Variants in CHSY3 observed in about 807,000 individuals in gnomAD.
The protein encoded by CHSY3 is N-acetylgalactosaminyl-proteoglycan 3-beta-glucuronosyltransferase 3.
A neutral mutation model predicts 67.2 loss-of-function variants in CHSY3; 35 were observed. The observed-to-expected ratio is 0.52, with a 90% confidence interval of 0.40 to 0.69. The LOEUF (loss-of-function observed/expected upper bound fraction) is 0.69, where lower values mean the gene tolerates loss of function less well. Ranked by LOEUF, CHSY3 falls within the 30% of genes least tolerant of loss-of-function variation. CHSY3 has a pLI of 0.00. For missense variants in CHSY3, 1,069 were observed against 1,138.5 expected (o/e 0.94, Z 0.88); for synonymous variants, 474 against 434.7 (o/e 1.09, Z -1.12).
intron 2 of CHSY3, among the ~76,000 whole-genome samples, chr5:130,091,143 C>CGT (rs1230080393): frequency 8.5e-6 from 1 of 117,410 alleles, no homozygotes; most frequent in African/African-American, 3.5e-5. Context: ...CACGCACACG[C>CGT]GCGCACACAC....
At chr5:129,932,749 G>A (rs934790652) in intron 2 of CHSY3, among the ~76,000 whole-genome samples, 1 of 151,934 alleles carries the variant, frequency 6.6e-6, no homozygotes, top group Non-Finnish European at 1.5e-5. Context: ...ATTTTAAAAA[G>A]AGAAAGTCTT....
chr5:129,914,561 C>A (rs1250691277), intron 2 of CHSY3, among the ~76,000 whole-genome samples: 1 of 152,192 alleles, frequency 6.6e-6, no homozygotes, highest in Non-Finnish European at 1.5e-5. Context: ...GATTCAGTCA[C>A]AATTTAGTTT....
chr5:130,178,219 ATT>A (rs1286202161), intron 2 of CHSY3, among the ~76,000 whole-genome samples: 11 of 83,660 alleles, frequency 1.3e-4, no homozygotes, highest in African/African-American at 5.3e-4. Context: ...ATATGTATAT[ATT>A]TATATTTATA....
chr5:130,140,109 G>C (rs555922142), intron 2 of CHSY3: 19 of 218,334 alleles, frequency 8.7e-5, no homozygotes, highest in Non-Finnish European at 1.7e-4. Context: ...TGAACAAGTA[G>C]AGATAATTGC....
intron 2 of CHSY3, among the ~76,000 whole-genome samples, chr5:129,936,932 A>C (rs369216206): frequency 6.6e-6 from 1 of 151,972 alleles, no homozygotes; most frequent in Non-Finnish European, 1.5e-5. Flanking sequence ...TGCTCCATTT[A>C]TATAGACTTT....
At chr5:130,003,599 CAA>C (rs1331831856) in intron 2 of CHSY3, among the ~76,000 whole-genome samples, 1 of 151,772 alleles carries the variant, frequency 6.6e-6, no homozygotes, top group Non-Finnish European at 1.5e-5. Flanking sequence ...GAAGGCAAGA[CAA>C]AGAGGGGTTA....
chr5:129,962,541 A>G (rs553392125), intron 2 of CHSY3, among the ~76,000 whole-genome samples: 1 of 151,962 alleles, frequency 6.6e-6, no homozygotes, highest in African/African-American at 2.4e-5. Flanking sequence ...GCTTAAAACT[A>G]TTTAGTTGTT....
chr5:130,059,441 T>TC (rs1765639111), intron 2 of CHSY3, among the ~76,000 whole-genome samples: 1 of 148,802 alleles, frequency 6.7e-6, no homozygotes, highest in Non-Finnish European at 1.5e-5. Context: ...CCCCTCTCCT[T>TC]CCCCCTCCCC....
intron 2 of CHSY3, among the ~76,000 whole-genome samples, chr5:130,071,543 G>GTA (rs1766068498): frequency 7.4e-6 from 1 of 135,254 alleles, no homozygotes; most frequent in African/African-American, 3.7e-5. Context: ...TTCATTGTGT[G>GTA]TGTGTGTGTG....
At chr5:129,959,552 A>G (rs1189058314) in intron 2 of CHSY3, among the ~76,000 whole-genome samples, 1 of 152,148 alleles carries the variant, frequency 6.6e-6, no homozygotes, top group Non-Finnish European at 1.5e-5. Context: ...TAATTTCAAT[A>G]TCGTTAAATA....
chr5:130,082,897 T>C (rs1204555036), intron 2 of CHSY3, among the ~76,000 whole-genome samples: 2 of 150,862 alleles, frequency 1.3e-5, no homozygotes, highest in African/African-American at 2.5e-5. Flanking sequence ...CACACACACA[T>C]ATATATATTT....
At chr5:129,948,180 T>C (rs1181789710) in intron 2 of CHSY3, among the ~76,000 whole-genome samples, 4 of 152,128 alleles carry the variant, frequency 2.6e-5, no homozygotes, top group African/African-American at 9.7e-5. Context: ...GGAAGATATT[T>C]TTATTTATTT....
intron 2 of CHSY3, among the ~76,000 whole-genome samples, chr5:130,062,058 G>A (rs1459724068): frequency 6.6e-6 from 1 of 151,912 alleles, no homozygotes; most frequent in East Asian, 1.9e-4. Flanking sequence ...TCTACCCTAA[G>A]GAAAAGAAAT....
At chr5:129,948,010 C>A (rs1345896344) in intron 2 of CHSY3, among the ~76,000 whole-genome samples, 1 of 152,030 alleles carries the variant, frequency 6.6e-6, no homozygotes, top group African/African-American at 2.4e-5. Flanking sequence ...TGATACTAGC[C>A]ATTTATCATA....
intron 2 of CHSY3, among the ~76,000 whole-genome samples, chr5:130,122,733 A>C (rs1026226559): frequency 2.0e-5 from 3 of 152,246 alleles, no homozygotes; most frequent in Admixed American, 6.5e-5. Flanking sequence ...CTAAATATTT[A>C]ACAATTAAAA....
chr5:130,080,039 C>CAT (rs1766397307), intron 2 of CHSY3, among the ~76,000 whole-genome samples: 1 of 139,750 alleles, frequency 7.2e-6, no homozygotes, highest in South Asian at 2.2e-4. Flanking sequence ...CCTGAACATA[C>CAT]ACACACACAC....
intron 2 of CHSY3, among the ~76,000 whole-genome samples, chr5:129,957,889 C>A (rs72795730): frequency 0.5 from 76,113 of 151,620 alleles, 19,615 homozygotes; most frequent in Middle Eastern, 0.59. Context: ...TCCTCTCCAA[C>A]TTCATTCTTA....
chr5:129,947,693 A>G, intron 2 of CHSY3, among the ~76,000 whole-genome samples: 1 of 151,874 alleles, frequency 6.6e-6, no homozygotes, highest in South Asian at 2.1e-4. Flanking sequence ...TATCAAGTCC[A>G]TGCTGTTTTC....
At chr5:129,994,310 C>A in intron 2 of CHSY3, among the ~76,000 whole-genome samples, 1 of 152,142 alleles carries the variant, frequency 6.6e-6, no homozygotes, top group East Asian at 1.9e-4. Context: ...AGAGTGTTTT[C>A]CAACTTGGTT....
Sources: gnomAD v4.1 joint callset for allele counts (sites outside exome capture counted in the v4.1 genomes callset) on GRCh38, gnomAD v4.1.1 for gene constraint, MANE v1.5 for transcripts, NCBI Gene and HGNC (gene_info 2026-07-23, HGNC 2026-07-21) for gene names.